TMEM132C: variants seen among roughly 807,000 people sequenced by gnomAD.
The protein encoded by TMEM132C is transmembrane protein 132C.
TMEM132C carries 29 observed loss-of-function variants against 61.4 expected under a neutral mutation model. That is an observed-to-expected ratio of 0.47 (90% CI 0.35 to 0.64). TMEM132C has a LOEUF of 0.64. Among genes scored for constraint, TMEM132C ranks in the 30% least tolerant of loss-of-function variants. The pLI, the probability that TMEM132C is intolerant of heterozygous loss-of-function variation, is 0.00. For synonymous variants in TMEM132C, 656 were observed against 633.1 expected, an observed-to-expected ratio of 1.04 and a Z score of -0.54; for missense variants, 1,408 against 1,476.9, an observed-to-expected ratio of 0.95 and a Z score of 0.76.
intron 2 of TMEM132C, among the ~76,000 whole-genome samples, chr12:128,487,313 C>T (rs577145300): frequency 4.6e-5 from 7 of 152,260 alleles, no homozygotes; most frequent in African/African-American, 1.2e-4. Flanking sequence ...CCCTCTTCCC[C>T]GACCAACTTC....
At chr12:128,458,409 A>T (rs1870420322) in intron 2 of TMEM132C, among the ~76,000 whole-genome samples, 1 of 151,872 alleles carries the variant, frequency 6.6e-6, no homozygotes, top group African/African-American at 2.4e-5. Context: ...TTAGTTTCTT[A>T]ATTTTATTTC....
chr12:128,557,299 C>T (rs554816917), intron 3 of TMEM132C, among the ~76,000 whole-genome samples: 2 of 152,328 alleles, frequency 1.3e-5, no homozygotes, highest in African/African-American at 4.8e-5. Context: ...CCATCATAGT[C>T]TGACATGTGG....
chr12:128,512,984 G>A (rs1024780869), intron 2 of TMEM132C, among the ~76,000 whole-genome samples: 10 of 152,168 alleles, frequency 6.6e-5, no homozygotes, highest in South Asian at 2.1e-4. Context: ...ACCGCTGTCC[G>A]TGTAAAGCTG....
rs1458461421 is a variant in TMEM132C at position 128,550,309 on chromosome 12, T to C, written c.1121+6206T>C. Among the ~76,000 whole-genome samples the C allele has an allele frequency of 6.6e-5, 10 of 151,504 alleles. No individual in the cohort carries two copies. The East Asian group carries it at 1.7e-3, about 26-fold the overall frequency. ...AGAGAAGCTCCTGGTGTCTTGTCTT[T>C]TTTTTTTTTTCGAGACAGGGTCTCG... On this transcript the variant is annotated intron_variant, in intron 3 of 8. Coordinates refer to ENST00000435159, the MANE Select transcript of TMEM132C (RefSeq NM_001136103.3).
chr12:128,483,217 G>A (rs1277700384), intron 2 of TMEM132C, among the ~76,000 whole-genome samples: 2 of 147,952 alleles, frequency 1.4e-5, no homozygotes, highest in African/African-American at 5.0e-5. Context: ...GCAGTGAGCT[G>A]TGATTATGCC....
intron 3 of TMEM132C, among the ~76,000 whole-genome samples, chr12:128,611,454 A>T (rs1350411458): frequency 2.0e-5 from 3 of 152,134 alleles, no homozygotes; most frequent in Non-Finnish European, 4.4e-5. Flanking sequence ...CTCTCATTGC[A>T]ACAGGAATAT....
chr12:128,584,551 G>C (rs1875466573), intron 3 of TMEM132C, among the ~76,000 whole-genome samples: 1 of 152,212 alleles, frequency 6.6e-6, no homozygotes, highest in Non-Finnish European at 1.5e-5. Flanking sequence ...CCACTGTGCT[G>C]CGAATGGTCT....
chr12:128,372,011 G>T (rs908369224), intron 1 of TMEM132C, among the ~76,000 whole-genome samples: 2 of 152,136 alleles, frequency 1.3e-5, no homozygotes, highest in Non-Finnish European at 2.9e-5. Context: ...TCAGTCTTAC[G>T]ATCTGCATCA....
intron 1 of TMEM132C, among the ~76,000 whole-genome samples, chr12:128,368,795 C>T (rs929720812): frequency 6.6e-5 from 10 of 152,168 alleles, no homozygotes; most frequent in African/African-American, 2.4e-4. Context: ...CAGCCCATTC[C>T]ACAAAGCGGG....
intron 3 of TMEM132C, among the ~76,000 whole-genome samples, chr12:128,583,273 C>G: frequency 6.9e-6 from 1 of 145,372 alleles, no homozygotes; most frequent in East Asian, 2.1e-4. Flanking sequence ...GTGCCAACAT[C>G]GTACACTATA....
At chr12:128,344,750 AC>A (rs780844409) in intron 1 of TMEM132C, among the ~76,000 whole-genome samples, 7 of 152,052 alleles carry the variant, frequency 4.6e-5, no homozygotes, top group Non-Finnish European at 1.0e-4. Context: ...TGAACTTATC[AC>A]CTATAGGTGC....
chr12:128,486,884 C>T (rs1469078325), intron 2 of TMEM132C, among the ~76,000 whole-genome samples: 1 of 106,410 alleles, frequency 9.4e-6, no homozygotes, highest in Non-Finnish European at 2.1e-5. Context: ...CAAACACACA[C>T]ACACACACAC....
At chr12:128,613,780 C>T (rs1402543927) in intron 3 of TMEM132C, among the ~76,000 whole-genome samples, 2 of 152,154 alleles carry the variant, frequency 1.3e-5, no homozygotes, top group East Asian at 3.8e-4. Context: ...AGAGTTAGTG[C>T]TCTGGCTGTC....
At chr12:128,563,323 G>A (rs1426422348) in intron 3 of TMEM132C, among the ~76,000 whole-genome samples, 1 of 152,232 alleles carries the variant, frequency 6.6e-6, no homozygotes, top group Non-Finnish European at 1.5e-5. Context: ...GCCTTGGCAG[G>A]TCCTGGAGGC....
At chr12:128,302,544 CA>C (rs763932791) in intron 1 of TMEM132C, among the ~76,000 whole-genome samples, 1 of 152,196 alleles carries the variant, frequency 6.6e-6, no homozygotes, top group Non-Finnish European at 1.5e-5. Flanking sequence ...TTATTCAAAT[CA>C]AGCCAAGTTA....
At chr12:128,642,275 G>A (rs1182333616) in intron 4 of TMEM132C, among the ~76,000 whole-genome samples, 4 of 152,096 alleles carry the variant, frequency 2.6e-5, no homozygotes, top group East Asian at 1.9e-4. Flanking sequence ...GGGACTACAG[G>A]TGTGTGCCAC....
chr12:128,687,871 G>T (rs535092163), intron 5 of TMEM132C, among the ~76,000 whole-genome samples: 2 of 152,158 alleles, frequency 1.3e-5, no homozygotes, highest in African/African-American at 4.8e-5. Context: ...TGAGTTTGGA[G>T]GATGCAGACC....
In TMEM132C at chr12:128,527,070, C is replaced by G. The variant is rs1873111101; in HGVS notation, c.975-16887C>G. ...GCAAGCTAGGAAGATCCGTTTCAGC[C>G]CGTGCATCCTCATGAAGTCTCTCTT... On this transcript the variant is annotated intron_variant, in intron 2 of 8. Coordinates refer to ENST00000435159, the MANE Select transcript of TMEM132C (RefSeq NM_001136103.3). 2.0e-5 allele frequency among the ~76,000 whole-genome samples: 3 copies of G among 152,144 alleles called. No homozygotes were observed. In the South Asian group the frequency reaches 6.2e-4, roughly 32 times the overall value.
chr12:128,307,515 T>C (rs1729063931), intron 1 of TMEM132C, among the ~76,000 whole-genome samples: 1 of 152,188 alleles, frequency 6.6e-6, no homozygotes, highest in Non-Finnish European at 1.5e-5. Context: ...TTTTGCAGGA[T>C]AAATTTCTAT....
Sources: allele counts gnomAD v4.1 joint callset (sites outside exome capture counted in the v4.1 genomes callset), GRCh38; gene constraint gnomAD v4.1.1; transcripts MANE v1.5; gene names NCBI Gene and HGNC (gene_info 2026-07-23, HGNC 2026-07-21).